DAPP1: variants seen among roughly 807,000 people sequenced by gnomAD.
DAPP1 encodes the protein dual adaptor of phosphotyrosine and 3-phosphoinositides 1, also known as dual adapter for phosphotyrosine and 3-phosphotyrosine and 3-phosphoinositide.
A neutral mutation model predicts 41.5 loss-of-function variants in DAPP1; 20 were observed. The ratio of observed to expected loss-of-function variants is 0.48; its 90% CI spans 0.34 to 0.70. The LOEUF (loss-of-function observed/expected upper bound fraction) is 0.70, where lower values mean the gene tolerates loss of function less well. DAPP1 is among the 30% of genes least tolerant of loss of function. The pLI is 0.01. For missense variants in DAPP1, 233 were observed against 333.4 expected (o/e 0.70, Z 2.35); for synonymous variants, 113 against 116.2 (o/e 0.97, Z 0.18).
At chr4:99,866,145 T>C in intron 8 of DAPP1, 24 bp downstream of exon 8, 1 of 1,254,574 alleles carries the variant, frequency 8.0e-7, no homozygotes, top group Non-Finnish European at 1.2e-6. Context: ...AGCCTTCAGA[T>C]GTCAAGTCTT....
intron 8 of DAPP1, chr4:99,866,761 T>C (rs1724475115): frequency 3.7e-6 from 2 of 545,314 alleles, no homozygotes; most frequent in African/African-American, 2.1e-5. Flanking sequence ...GATTTCTTTT[T>C]TTCTATTTTT....
chr4:99,847,799 A>AGTTTGTTTGTTT (rs58645759), intron 3 of DAPP1, among the ~76,000 whole-genome samples: 1,938 of 150,824 alleles, frequency 0.013, 24 homozygotes, highest in African/African-American at 0.022. Flanking sequence ...ACAGTAGATA[A>AGTTTGTTTGTTT]GTTTGTTTGT....
chr4:99,859,737 C>T (rs770991899), intron 4 of DAPP1, among the ~76,000 whole-genome samples: 4 of 152,220 alleles, frequency 2.6e-5, no homozygotes, highest in African/African-American at 9.6e-5. Flanking sequence ...CTGCTCCCAC[C>T]CTCACTACAG....
At chr4:99,857,495 T>G (rs1040272651) in intron 4 of DAPP1, among the ~76,000 whole-genome samples, 1 of 152,214 alleles carries the variant, frequency 6.6e-6, no homozygotes, top group East Asian at 1.9e-4. Flanking sequence ...TCCCTCCTTC[T>G]AAAAATTCTG....
chr4:99,858,503 C>T (rs1724124537), intron 4 of DAPP1, among the ~76,000 whole-genome samples: 1 of 152,082 alleles, frequency 6.6e-6, no homozygotes, highest in Admixed American at 6.6e-5. Flanking sequence ...TGGTGTCTGC[C>T]AGGTTTCTTC....
rs567303538 is a variant in DAPP1, at chr4:99,869,679, C to G, written c.*1494C>G. 9 of 152,290 alleles carry G rather than the reference C, an allele frequency of 5.9e-5. No homozygotes were observed. The highest frequency in any genetic ancestry group is 2.2e-4 in the African/African-American group (9 of 41,566). 9.4% of individuals were successfully genotyped at this position (152,290 alleles called of 1,614,324 possible). On this transcript the variant is annotated 3_prime_UTR_variant, in exon 9 of 9. Transcript: ENST00000512369. ...GAGCGGCGGCTCATGCCTGTAATCC[C>G]AGGACTTTGGTAGGCCAAGACAAGC... is the stretch of plus-strand genomic sequence containing the variant.
intron 1 of DAPP1, among the ~76,000 whole-genome samples, chr4:99,829,480 CA>C (rs757100446): frequency 2.4e-4 from 34 of 141,088 alleles, no homozygotes; most frequent in South Asian, 6.7e-4. Flanking sequence ...AACTCCGTCT[CA>C]AAAAAAAAAA....
intron 4 of DAPP1, among the ~76,000 whole-genome samples, chr4:99,857,364 C>A (rs958849934): frequency 4.6e-5 from 7 of 152,026 alleles, no homozygotes; most frequent in Non-Finnish European, 5.9e-5. Context: ...ATGAGAAATA[C>A]CAATTAGTTG....
chr4:99,870,272 T>C (rs1376633120), downstream of DAPP1: 1 of 151,880 alleles, frequency 6.6e-6, no homozygotes, highest in African/African-American at 2.4e-5. Flanking sequence ...GATTGGAAGT[T>C]GAAGAAATAG....
In DAPP1 at chr4:99,833,069, T is replaced by A. The variant is rs577807708; in HGVS notation, c.102-2554T>A. 1.4e-3 allele frequency among the ~76,000 whole-genome samples: 213 copies of A among 152,382 alleles called. 1 individual carries two copies. Among genetic ancestry groups the A allele is most frequent in the South Asian group, 2.1e-3 (10 of 4,834 alleles). ...GAACTGAAACTTATGCTGAAATGTT[T>A]ATTATAAAGTTAATTATTGGCAAAA... On this transcript the variant is annotated intron_variant, in intron 1 of 8. Transcript: ENST00000512369.
At chr4:99,858,111 T>G (rs1724111316) in intron 4 of DAPP1, among the ~76,000 whole-genome samples, 2 of 152,186 alleles carry the variant, frequency 1.3e-5, no homozygotes, top group Non-Finnish European at 2.9e-5. Context: ...AAATTAACAT[T>G]GAGGCTGTGC....
At chr4:99,852,208 G>A (rs1723886602) in intron 3 of DAPP1, among the ~76,000 whole-genome samples, 1 of 152,154 alleles carries the variant, frequency 6.6e-6, no homozygotes. Flanking sequence ...CAAGTGCCTG[G>A]CAGAGTGCAA....
chr4:99,847,035 G>A (rs1307284293), intron 3 of DAPP1, among the ~76,000 whole-genome samples: 1 of 152,120 alleles, frequency 6.6e-6, no homozygotes, highest in Non-Finnish European at 1.5e-5. Context: ...TGAACCTGAG[G>A]GCAGTAATGA....
At chr4:99,834,239 T>C (rs938773280) in intron 1 of DAPP1, among the ~76,000 whole-genome samples, 5 of 152,092 alleles carry the variant, frequency 3.3e-5, no homozygotes, top group Non-Finnish European at 5.9e-5. Context: ...GGAGTGGAGG[T>C]ACACATCCAA....
Position 99,868,154 on chromosome 4 carries a change from C to T in DAPP1, c.812C>T (p.Thr271Met), listed in dbSNP as rs769044015. ...IRKQLNQGEG[T>M]IRSRSFIFK is the part of the protein sequence containing the mutation. ...AAACAGCTCAACCAAGGGGAAGGCA[C>T]GATCCGATCTCGGTCGTTCATCTTT... The change falls in exon 9 of 9, where the codon ACG becomes ATG. Residue 271 changes from threonine to methionine, a missense_variant. By Grantham distance (81) the Thr-to-Met change is moderately conservative. Coordinates refer to ENST00000512369, the MANE Select transcript of DAPP1 (RefSeq NM_014395.3). The T allele has an allele frequency of 1.9e-5, 30 of 1,613,750 alleles. No individual in the cohort carries two copies. Among genetic ancestry groups the T allele is most frequent in the Admixed American group, 1.2e-4 (7 of 59,970 alleles).
intron 3 of DAPP1, chr4:99,844,630 T>C (rs1173581360): frequency 6.6e-6 from 1 of 152,216 alleles, no homozygotes; most frequent in African/African-American, 2.4e-5. Context: ...CCATGTATAA[T>C]TTATTACATT....
intron 2 of DAPP1, among the ~76,000 whole-genome samples, chr4:99,836,411 G>A (rs932929062): frequency 9.2e-5 from 14 of 152,138 alleles, no homozygotes; most frequent in African/African-American, 1.9e-4. Context: ...GTTCTCAGTC[G>A]CATCTGACAC....
chr4:99,863,946 C>A, intron 7 of DAPP1, 91 bp downstream of exon 7: 1 of 845,240 alleles, frequency 1.2e-6, no homozygotes, highest in Non-Finnish European at 1.9e-6. Context: ...ATCTTAATGT[C>A]TACAAAGATC....
At chr4:99,841,949 C>A (rs541093422) in intron 3 of DAPP1, among the ~76,000 whole-genome samples, 1 of 152,308 alleles carries the variant, frequency 6.6e-6, no homozygotes, top group African/African-American at 2.4e-5. Flanking sequence ...TTTTCAACTT[C>A]TTTGATCATT....
Sources: gnomAD v4.1 joint callset for allele counts (sites outside exome capture counted in the v4.1 genomes callset) on GRCh38, gnomAD v4.1.1 for gene constraint, MANE v1.5 for transcripts, NCBI Gene and HGNC (gene_info 2026-07-23, HGNC 2026-07-21) for gene names.